CTIF: variants seen among roughly 807,000 people sequenced by gnomAD.
CTIF encodes the protein CBP80/20-dependent translation initiation factor.
A neutral mutation model predicts 66.0 loss-of-function variants in CTIF; 21 were observed. That is an observed-to-expected ratio of 0.32 (90% CI 0.23 to 0.46). The LOEUF (loss-of-function observed/expected upper bound fraction) is 0.46, where lower values mean the gene tolerates loss of function less well. Among genes scored for constraint, CTIF ranks in the 20% least tolerant of loss-of-function variants. The pLI is 1.00. For synonymous variants in CTIF, 345 were observed against 326.4 expected, an observed-to-expected ratio of 1.06 and a Z score of -0.62; for missense variants, 739 against 812.7, an observed-to-expected ratio of 0.91 and a Z score of 1.10.
intron 1 of CTIF, among the ~76,000 whole-genome samples, chr18:48,589,860 G>A (rs372832242): frequency 6.6e-6 from 1 of 152,170 alleles, no homozygotes; most frequent in African/African-American, 2.4e-5. Context: ...GCCACCTCAC[G>A]GAAGCATCAC....
chr18:48,568,660 AAAAAAAAAG>A (rs1345287693), intron 1 of CTIF, among the ~76,000 whole-genome samples: 34 of 143,264 alleles, frequency 2.4e-4, no homozygotes, highest in African/African-American at 8.1e-4. Context: ...AAAAAAAAAA[AAAAAAAAAG>A]AGGTTTAATG....
rs192001528 is a variant in CTIF at position 48,662,791 on chromosome 18, T to C, written c.253-961T>C. ...TTTGCATCTGGGTTCTTTTGTTCCC[T>C]GTATGCTTGTGATATTTATTCATAT... On this transcript the variant is annotated intron_variant, in intron 3 of 11. Transcript: ENST00000256413. Among the ~76,000 whole-genome samples, 107 of 152,262 alleles carry C rather than the reference T, an allele frequency of 7.0e-4. No homozygotes were observed. The South Asian group carries it at 0.013, about 18-fold the overall frequency.
intron 6 of CTIF, among the ~76,000 whole-genome samples, chr18:48,684,431 G>A (rs1370120068): frequency 2.0e-5 from 3 of 151,546 alleles, no homozygotes; most frequent in Admixed American, 6.6e-5. Context: ...ACCCTATTTC[G>A]AATACAGATA....
At chr18:48,639,831 A>G (rs963576299) in intron 3 of CTIF, among the ~76,000 whole-genome samples, 1 of 151,896 alleles carries the variant, frequency 6.6e-6, no homozygotes, top group Admixed American at 6.6e-5. Context: ...GGTGGCTCAT[A>G]CCCACGTCCA....
chr18:48,803,297 C>T (rs1297575135), intron 9 of CTIF, among the ~76,000 whole-genome samples: 3 of 152,206 alleles, frequency 2.0e-5, no homozygotes, highest in African/African-American at 7.2e-5. Flanking sequence ...GCATTTCCAG[C>T]CACAGTGTCA....
At chr18:48,835,564 T>C (rs1303420749) in intron 10 of CTIF, among the ~76,000 whole-genome samples, 1 of 152,124 alleles carries the variant, frequency 6.6e-6, no homozygotes, top group Admixed American at 6.5e-5. Context: ...GGATCCATGC[T>C]CCCAAGAAAG....
intron 10 of CTIF, among the ~76,000 whole-genome samples, chr18:48,817,937 C>T (rs904731047): frequency 1.3e-5 from 2 of 152,206 alleles, no homozygotes; most frequent in Non-Finnish European, 1.5e-5. Flanking sequence ...CATTCCCAAT[C>T]GGGAGCACTG....
chr18:48,744,223 T>A (rs1014646713), intron 7 of CTIF, among the ~76,000 whole-genome samples: 3 of 152,184 alleles, frequency 2.0e-5, no homozygotes, highest in Non-Finnish European at 4.4e-5. Flanking sequence ...GGTAGCGCCA[T>A]CCTACGGTGA....
intron 7 of CTIF, among the ~76,000 whole-genome samples, chr18:48,730,208 TGTGGTGTGAGGAGC>T (rs1436668105): frequency 6.9e-6 from 1 of 145,538 alleles, no homozygotes; most frequent in East Asian, 2.1e-4. Flanking sequence ...GAGGGGCTCC[TGTGGTGTGAGGAGC>T]CCCCGAAGTG....
rs575725755 is a variant in CTIF at position 48,858,505 on chromosome 18, C to T, written c.1582-839C>T. Among the ~76,000 whole-genome samples, 359 of 152,296 alleles carry T rather than the reference C, an allele frequency of 2.4e-3. 1 individual carries two copies. Among genetic ancestry groups the T allele is most frequent in the African/African-American group, 8.4e-3 (347 of 41,554 alleles). Reference sequence around the variant, plus strand: ...GATAGAATAAGTGTAAGTACAGAGACATCCCTGAAGAGTCAGGGGAGAGAG... The same window carrying T: ...GATAGAATAAGTGTAAGTACAGAGATATCCCTGAAGAGTCAGGGGAGAGAG... On this transcript the variant is annotated intron_variant, in intron 11 of 11. Coordinates refer to ENST00000256413, the MANE Select transcript of CTIF (RefSeq NM_014772.3).
chr18:48,739,783 A>C (rs1022003748), intron 7 of CTIF, among the ~76,000 whole-genome samples: 11 of 152,176 alleles, frequency 7.2e-5, no homozygotes, highest in Non-Finnish European at 1.6e-4. Flanking sequence ...TTCCTTTAGT[A>C]ATTCCTCTGC....
intron 9 of CTIF, among the ~76,000 whole-genome samples, chr18:48,816,990 G>A (rs2068377519): frequency 6.6e-6 from 1 of 152,220 alleles, no homozygotes; most frequent in African/African-American, 2.4e-5. Flanking sequence ...CTAGAGGCAA[G>A]GAAGCTGTGT....
At chr18:48,653,538 T>C (rs1194008456) in intron 3 of CTIF, among the ~76,000 whole-genome samples, 2 of 152,060 alleles carry the variant, frequency 1.3e-5, no homozygotes, top group African/African-American at 2.4e-5. Context: ...ATCATGAAAA[T>C]AGCCATACTG....
intron 1 of CTIF, among the ~76,000 whole-genome samples, chr18:48,581,360 A>C (rs1034245534): frequency 6.6e-6 from 1 of 152,032 alleles, no homozygotes; most frequent in Non-Finnish European, 1.5e-5. Flanking sequence ...ACACCCTCTT[A>C]GGTTTTCAGG....
At chr18:48,630,389 G>T (rs1339316201) in intron 2 of CTIF, among the ~76,000 whole-genome samples, 1 of 152,170 alleles carries the variant, frequency 6.6e-6, no homozygotes, top group African/African-American at 2.4e-5. Flanking sequence ...TTGAAATTTT[G>T]ATGTAGTTTA....
intron 1 of CTIF, among the ~76,000 whole-genome samples, chr18:48,604,279 C>G (rs1250657131): frequency 7.4e-6 from 1 of 135,772 alleles, no homozygotes; most frequent in East Asian, 2.4e-4. Context: ...TGGATTCAGG[C>G]CATTCTCCTG....
chr18:48,818,123 G>C (rs1248179647), intron 10 of CTIF, among the ~76,000 whole-genome samples: 2 of 152,258 alleles, frequency 1.3e-5, no homozygotes, highest in Non-Finnish European at 2.9e-5. Flanking sequence ...GAATTTAGCA[G>C]GTGGTTGCAC....
rs553020587 is a variant in CTIF, at chr18:48,569,702, C to T, written c.-29+30390C>T. Among the ~76,000 whole-genome samples, 9 of 152,254 alleles carry T rather than the reference C, an allele frequency of 5.9e-5. No individual in the cohort carries two copies. In the South Asian group the frequency reaches 1.7e-3, roughly 28 times the overall value. On this transcript the variant is annotated intron_variant, in intron 1 of 11. Transcript: ENST00000256413. ...AACCCTCCTCCTCCAAAGACCAGTT[C>T]AGTTCGCAGAGGTTGATGGTGAAAG...
chr18:48,713,911 C>T (rs2092254057), intron 7 of CTIF, among the ~76,000 whole-genome samples: 2 of 152,204 alleles, frequency 1.3e-5, no homozygotes, highest in East Asian at 1.9e-4. Flanking sequence ...AGCGTGTGCT[C>T]GTCGGGGCGC....
Sources: allele counts gnomAD v4.1 joint callset (sites outside exome capture counted in the v4.1 genomes callset), GRCh38; gene constraint gnomAD v4.1.1; transcripts MANE v1.5; gene names NCBI Gene and HGNC (gene_info 2026-07-23, HGNC 2026-07-21).